Variants in LEPR observed in about 807,000 individuals in gnomAD.
The protein encoded by LEPR is OB receptor.
LEPR carries 56 observed loss-of-function variants against 114.7 expected under a neutral mutation model. The observed-to-expected ratio is 0.49, with a 90% CI of 0.39 to 0.61. The LOEUF (loss-of-function observed/expected upper bound fraction) is 0.61, where lower values mean the gene tolerates loss of function less well. Among genes scored for constraint, LEPR ranks in the 20% least tolerant of loss-of-function variants. The pLI, the probability that LEPR is intolerant of heterozygous loss-of-function variation, is 0.00. For synonymous variants in LEPR, 443 were observed against 461.4 expected, an observed-to-expected ratio of 0.96 and a Z score of 0.51; for missense variants, 1,202 against 1,352.9, an observed-to-expected ratio of 0.89 and a Z score of 1.75.
At chr1:65,494,025 G>A (rs1648018136) in intron 2 of LEPR, 1 of 152,144 alleles carries the variant, frequency 6.6e-6, no homozygotes, top group Non-Finnish European at 1.5e-5. Context: ...TTGCTTTTTG[G>A]CTTAACTGTT....
At chr1:65,455,244 C>T (rs1293504129) in intron 2 of LEPR, among the ~76,000 whole-genome samples, 3 of 152,140 alleles carry the variant, frequency 2.0e-5, no homozygotes, top group African/African-American at 7.2e-5. Context: ...TCCCGTAGCT[C>T]GTAGTAATTT....
intron 11 of LEPR, among the ~76,000 whole-genome samples, chr1:65,607,730 C>A (rs1339253949): frequency 6.6e-6 from 1 of 152,112 alleles, no homozygotes; most frequent in Admixed American, 6.5e-5. Flanking sequence ...GCCACATTTC[C>A]ATATTGCCTG....
At chr1:65,541,726 C>G (rs1394910431) in intron 2 of LEPR, among the ~76,000 whole-genome samples, 2 of 152,014 alleles carry the variant, frequency 1.3e-5, no homozygotes, top group Admixed American at 6.6e-5. Flanking sequence ...TGTTTAAATG[C>G]TTATTTAAGT....
chr1:65,456,233 C>T (rs896868841), intron 2 of LEPR, among the ~76,000 whole-genome samples: 1 of 152,066 alleles, frequency 6.6e-6, no homozygotes, highest in African/African-American at 2.4e-5. Context: ...ATGCAGAAAT[C>T]ACCCGTCTTC....
chr1:65,614,062 G>A (rs1657379334), intron 14 of LEPR, among the ~76,000 whole-genome samples: 1 of 152,058 alleles, frequency 6.6e-6, no homozygotes, highest in Non-Finnish European at 1.5e-5. Flanking sequence ...TTTAAACATA[G>A]CCTTACCAAC....
At chr1:65,520,209 G>A (rs1291081036) in intron 2 of LEPR, among the ~76,000 whole-genome samples, 1 of 152,096 alleles carries the variant, frequency 6.6e-6, no homozygotes, top group African/African-American at 2.4e-5. Context: ...TGCCCAGGCT[G>A]GTCTTGAACT....
At chr1:65,554,138 T>C (rs1751483) in intron 2 of LEPR, among the ~76,000 whole-genome samples, 94,404 of 152,050 alleles carry the variant, frequency 0.62, 30,264 homozygotes, top group Middle Eastern at 0.74. Flanking sequence ...ATGAGGTGTC[T>C]GTTGACCCCT....
At chr1:65,588,930 T>A (rs1051843754) in intron 5 of LEPR, among the ~76,000 whole-genome samples, 1 of 152,120 alleles carries the variant, frequency 6.6e-6, no homozygotes, top group African/African-American at 2.4e-5. Flanking sequence ...CTTGGATAAA[T>A]GCCTGGGCAT....
At chr1:65,540,123 T>C (rs1651084593) in intron 2 of LEPR, among the ~76,000 whole-genome samples, 1 of 152,166 alleles carries the variant, frequency 6.6e-6, no homozygotes, top group South Asian at 2.1e-4. Flanking sequence ...TACGCAGATA[T>C]TACATGTGCA....
chr1:65,472,188 G>GT (rs113811731), intron 2 of LEPR, among the ~76,000 whole-genome samples: 10,571 of 151,374 alleles, frequency 0.07, 460 homozygotes, highest in African/African-American at 0.12. Flanking sequence ...CCAAACATCC[G>GT]TTTTTTTTAA....
intron 2 of LEPR, among the ~76,000 whole-genome samples, chr1:65,437,551 G>A (rs1298343429): frequency 1.3e-5 from 2 of 151,954 alleles, no homozygotes; most frequent in Non-Finnish European, 2.9e-5. Context: ...AAAGGCTGAG[G>A]CAGGAGAATC....
intron 2 of LEPR, chr1:65,435,741 G>A (rs1441153616): frequency 1.0e-6 from 1 of 985,148 alleles, no homozygotes; most frequent in South Asian, 4.7e-5. Flanking sequence ...GAGGATGCTA[G>A]CATTTTCCAA....
At chr1:65,486,816 T>A (rs1335599671) in intron 2 of LEPR, among the ~76,000 whole-genome samples, 1 of 152,170 alleles carries the variant, frequency 6.6e-6, no homozygotes, top group African/African-American at 2.4e-5. Flanking sequence ...GTGGGCCATA[T>A]GGCTGTCCAG....
chr1:65,551,159 A>T (rs556435533), intron 2 of LEPR, among the ~76,000 whole-genome samples: 1 of 152,126 alleles, frequency 6.6e-6, no homozygotes, highest in South Asian at 2.1e-4. Context: ...TTCATCAGGG[A>T]TATTGGCCTG....
intron 8 of LEPR, among the ~76,000 whole-genome samples, chr1:65,600,025 C>G (rs1656339129): frequency 6.6e-6 from 1 of 152,032 alleles, no homozygotes; most frequent in African/African-American, 2.4e-5. Context: ...TTAAGCCTTA[C>G]TATATGTATT....
At chr1:65,602,440 AG>A (rs562107988) in intron 10 of LEPR, among the ~76,000 whole-genome samples, 1 of 152,020 alleles carries the variant, frequency 6.6e-6, no homozygotes, top group Non-Finnish European at 1.5e-5. Flanking sequence ...TGGTTAATAA[AG>A]GGTAATGTGT....
chr1:65,504,520 C>T lies in LEPR; in HGVS notation c.-20-61026C>T, dbSNP rs146740922. Among the ~76,000 whole-genome samples, 8 of 152,280 alleles carry T rather than the reference C, an allele frequency of 5.3e-5. No homozygotes were observed. In the South Asian group the frequency reaches 1.0e-3, roughly 20 times the overall value. On this transcript the variant is annotated intron_variant, in intron 2 of 19. Transcript: ENST00000349533. ...TCTGCATGTAACAAACATCACACTGCAATCCTGAGAAAAGCATTAAGCAAA... is the reference window on the plus strand; with the variant it reads ...TCTGCATGTAACAAACATCACACTGTAATCCTGAGAAAAGCATTAAGCAAA...
At chr1:65,431,075 C>G (rs1646475782) in intron 2 of LEPR, among the ~76,000 whole-genome samples, 1 of 152,152 alleles carries the variant, frequency 6.6e-6, no homozygotes, top group Non-Finnish European at 1.5e-5. Flanking sequence ...TCTTGAACCC[C>G]ATGCCAGTTT....
chr1:65,434,468 A>C lies in LEPR; in HGVS notation c.-21+9090A>C. 8.1e-6 allele frequency: 8 copies of C among 985,434 alleles called. No homozygotes were observed. The South Asian group carries it at 3.8e-4, about 46-fold the overall frequency. The allele number at this position is 985,434 out of a possible 1,614,324, so 61.0% of individuals were successfully genotyped here. A position where few individuals can be genotyped will look rare whatever the true frequency, so the allele number is the denominator to read the frequency against. ...TGTTTCAAACAAGTGGGTTACAAGC[A>C]GACTTTGAGACACTTTTCCACAGAA... is the stretch of plus-strand genomic sequence containing the variant. On this transcript the variant is annotated intron_variant, in intron 2 of 19. Coordinates refer to ENST00000349533, the MANE Select transcript of LEPR (RefSeq NM_002303.6).
Sources: gnomAD v4.1 joint callset for allele counts (sites outside exome capture counted in the v4.1 genomes callset) on GRCh38, gnomAD v4.1.1 for gene constraint, MANE v1.5 for transcripts, NCBI Gene and HGNC (gene_info 2026-07-23, HGNC 2026-07-21) for gene names.